Variants in UBE2J2 observed in about 807,000 individuals in gnomAD.
The protein encoded by UBE2J2 is ubiquitin conjugating enzyme E2 J2.
A neutral mutation model predicts 28.6 loss-of-function variants in UBE2J2; 5 were observed. The observed-to-expected ratio is 0.17, with a 90% CI of 0.09 to 0.37. The LOEUF (loss-of-function observed/expected upper bound fraction) is 0.37, where lower values mean the gene tolerates loss of function less well. Among genes scored for constraint, UBE2J2 ranks in the 10% least tolerant of loss-of-function variants. The pLI, the probability that UBE2J2 is intolerant of heterozygous loss-of-function variation, is 1.00. For synonymous variants in UBE2J2, 138 were observed against 139.7 expected (o/e 0.99, Z 0.09); for missense variants, 226 against 338.9 (o/e 0.67, Z 2.62).
rs376707325 is a variant in UBE2J2, at chr1:1,267,986, T to A, written c.7A>T (p.Ser3Cys). MSSTSSKRAPTTA... is the reference protein window; with the variant it reads MSCTSSKRAPTTA... ...GTCGGAGCCCTCTTACTGCTGGTGCTGCTCATCTGTTAAAAGCAACGTCTA... is the reference window on the plus strand; with the variant it reads ...GTCGGAGCCCTCTTACTGCTGGTGCAGCTCATCTGTTAAAAGCAACGTCTA... The change falls in exon 2 of 7, where the codon AGC becomes TGC. Residue 3 changes from serine to cysteine, a missense_variant. Physicochemically the swap from Ser to Cys is moderately radical, Grantham distance 112. Coordinates refer to ENST00000349431, the MANE Select transcript of UBE2J2 (RefSeq NM_058167.3). 6.2e-7 allele frequency: 1 copy of A among 1,613,934 alleles called. No individual in the cohort carries two copies. The highest frequency in any genetic ancestry group is 1.1e-5 in the South Asian group (1 of 91,082).
intron 2 of UBE2J2, chr1:1,266,112 C>CT (rs1557563263): frequency 1.5e-6 from 2 of 1,304,190 alleles, no homozygotes. Flanking sequence ...CAGCGATGTC[C>CT]TGGGGCCACA....
chr1:1,255,800 C>T (rs755077138), intron 6 of UBE2J2, among the ~76,000 whole-genome samples: 1 of 152,202 alleles, frequency 6.6e-6, no homozygotes, highest in Admixed American at 6.5e-5. Context: ...CAGCTGGCTG[C>T]TCAGAACCAC....
chr1:1,262,307 T>C (rs1639611759), intron 3 of UBE2J2: 1 of 455,830 alleles, frequency 2.2e-6, no homozygotes, highest in Admixed American at 2.4e-5. Context: ...TCATGGGCAA[T>C]GACACGATGA....
chr1:1,263,392 G>A lies in UBE2J2; in HGVS notation c.132-6C>T, dbSNP rs1163212866. 3 of 1,612,434 alleles carry A rather than the reference G, an allele frequency of 1.9e-6. No individual in the cohort carries two copies. The highest frequency in any genetic ancestry group is 1.1e-5 in the South Asian group (1 of 91,046). ...GGCCTCGGACGACATAGTGCCTAAGGGAGAGAAGAAAATTACTTGGGATTT... is the reference window on the plus strand; with the variant it reads ...GGCCTCGGACGACATAGTGCCTAAGAGAGAGAAGAAAATTACTTGGGATTT... On this transcript the variant is annotated splice_region_variant and splice_polypyrimidine_tract_variant and intron_variant, in intron 2 of 6. Transcript: ENST00000349431.
intron 1 of UBE2J2, among the ~76,000 whole-genome samples, chr1:1,270,937 C>T (rs898905071): frequency 2.6e-5 from 4 of 151,770 alleles, no homozygotes; most frequent in African/African-American, 9.7e-5. Context: ...CGACACACTC[C>T]TTCTCACAGC....
intron 2 of UBE2J2, among the ~76,000 whole-genome samples, chr1:1,265,650 G>GT (rs1570569106): frequency 8.4e-5 from 6 of 71,822 alleles, no homozygotes; most frequent in Middle Eastern, 7.2e-3. Flanking sequence ...TGTGTGTGTG[G>GT]TGGAGTCTCA....
Position 1,258,767 on chromosome 1 carries a change from A to G in UBE2J2, c.173-1457T>C, listed in dbSNP as rs536187447. Among the ~76,000 whole-genome samples, 7 of 152,348 alleles carry G rather than the reference A, an allele frequency of 4.6e-5. No individual in the cohort carries two copies. The East Asian group carries it at 1.3e-3, about 29-fold the overall frequency. ...AGCAAATCCTGTTGGCCCCACCTTC[A>G]AATCAATCTAGAGCCGCACACCCTG... is the stretch of plus-strand genomic sequence containing the variant. On this transcript the variant is annotated intron_variant, in intron 3 of 6. Transcript: ENST00000349431.
rs11260571 is a variant in UBE2J2, at chr1:1,268,213, C to T, written c.1-221G>A. Among the ~76,000 whole-genome samples, 9 of 152,104 alleles carry T rather than the reference C, an allele frequency of 5.9e-5. No homozygotes were observed. The highest frequency in any genetic ancestry group is 1.0e-4 in the Non-Finnish European group (7 of 68,014). On this transcript the variant is annotated intron_variant, in intron 1 of 6. Coordinates refer to ENST00000349431, the MANE Select transcript of UBE2J2 (RefSeq NM_058167.3). The surrounding 1 kb of genome is among the most constrained non-coding windows in gnomAD (Gnocchi z 4.7). Reference sequence around the variant, plus strand: ...TGTCCCGCCACCACCTTCATTGACACGACGTACAGCTCAGGTACAAAGACG... The same window carrying T: ...TGTCCCGCCACCACCTTCATTGACATGACGTACAGCTCAGGTACAAAGACG...
chr1:1,257,158 C>T, intron 4 of UBE2J2, 28 bp from the exon 5 acceptor site: 1 of 1,604,816 alleles, frequency 6.2e-7, no homozygotes, highest in Non-Finnish European at 8.5e-7. Context: ...CGTCAGTGCA[C>T]ACTCCCCACC....
rs565813180 is a variant in UBE2J2 at position 1,272,162 on chromosome 1, T to C, written c.-1+1504A>G. Among the ~76,000 whole-genome samples, 3 of 151,302 alleles carry C rather than the reference T, an allele frequency of 2.0e-5. No individual in the cohort carries two copies. In the South Asian group the frequency reaches 6.3e-4, roughly 32 times the overall value. ...GAGACCCTGTATCAAAAAAAAAAAA[T>C]TCCACAAAGGAAGCAAACTGTGAGA... On this transcript the variant is annotated intron_variant, in intron 1 of 6. Transcript: ENST00000349431.
chr1:1,256,010 C>G (rs1458031840), intron 6 of UBE2J2, 35 bp downstream of exon 6: 2 of 1,434,204 alleles, frequency 1.4e-6, no homozygotes, highest in Non-Finnish European at 2.0e-6. Flanking sequence ...TGTTTTAACG[C>G]AGGGGAAGGC....
intron 1 of UBE2J2, among the ~76,000 whole-genome samples, chr1:1,270,434 C>T (rs1412089552): frequency 6.6e-6 from 1 of 152,170 alleles, no homozygotes; most frequent in Non-Finnish European, 1.5e-5. Flanking sequence ...CACCCAGGGC[C>T]TGGAGTGCAG....
intron 2 of UBE2J2, chr1:1,266,280 A>G (rs1002270307): frequency 2.3e-6 from 2 of 867,818 alleles, no homozygotes; most frequent in Non-Finnish European, 3.1e-6. Flanking sequence ...ACTCACTGAA[A>G]TATCTTTTCT....
chr1:1,255,999 G>A (rs780570939), intron 6 of UBE2J2, 46 bp downstream of exon 6: 1 of 1,309,542 alleles, frequency 7.6e-7, no homozygotes, highest in East Asian at 2.3e-5. Context: ...TGAAACTCAA[G>A]TGTTTTAACG....
intron 3 of UBE2J2, among the ~76,000 whole-genome samples, chr1:1,259,165 A>T (rs77131666): frequency 0.17 from 22,182 of 134,134 alleles, 3,199 homozygotes; most frequent in East Asian, 0.55. Context: ...TGCGTGTCTG[A>T]GTGTGTGCAT....
intron 2 of UBE2J2, among the ~76,000 whole-genome samples, chr1:1,267,331 G>A (rs1385588399): frequency 6.6e-6 from 1 of 152,298 alleles, no homozygotes; most frequent in East Asian, 1.9e-4. Context: ...AGGTCCTCTC[G>A]TTGTCAGCCT....
At position 1,263,398 on chromosome 1, in the gene UBE2J2, A is replaced by G. The variant is rs1639673550; in HGVS notation, c.132-12T>C. ...GGACGACATAGTGCCTAAGGGAGAG[A>G]AGAAAATTACTTGGGATTTGAGGAC... On this transcript the variant is annotated splice_polypyrimidine_tract_variant and intron_variant, in intron 2 of 6. Transcript: ENST00000349431. The G allele has an allele frequency of 1.2e-6, 2 of 1,611,966 alleles. No homozygotes were observed. The highest frequency in any genetic ancestry group is 2.7e-5 in the African/African-American group (2 of 74,892).
In UBE2J2 at chr1:1,255,071, C is replaced by T. The variant is rs1389579473; in HGVS notation, c.*132G>A. ...TCACACATTTTGGTTTTTGCTTCCCCTTTCAGGTTTTTAAAAGCTAAACCT... is the reference window on the plus strand; with the variant it reads ...TCACACATTTTGGTTTTTGCTTCCCTTTTCAGGTTTTTAAAAGCTAAACCT... On this transcript the variant is annotated 3_prime_UTR_variant, in exon 7 of 7. Transcript: ENST00000349431. 9.1e-7 allele frequency: 1 copy of T among 1,101,442 alleles called. No individual in the cohort carries two copies. The highest frequency in any genetic ancestry group is 1.3e-6 in the Non-Finnish European group (1 of 792,368). The allele number at this position is 1,101,442 out of a possible 1,614,324, so 68.2% of individuals were successfully genotyped here.
rs776076721 is a variant in UBE2J2 at position 1,257,067 on chromosome 1, G to T, written c.339C>A (p.Thr113=). The T allele has an allele frequency of 7.4e-6, 12 of 1,613,308 alleles. No individual in the cohort carries two copies. Among genetic ancestry groups the T allele is most frequent in the Non-Finnish European group, 8.5e-6 (10 of 1,179,784 alleles). The change falls in exon 5 of 7, where the codon ACC becomes ACA. Residue 113 remains threonine (T), a synonymous_variant. Coordinates refer to ENST00000349431, the MANE Select transcript of UBE2J2 (RefSeq NM_058167.3). ...TGAAGCTCAGGAGCCCAGTCAGGAT[G>T]GTGGAGACAGACCAGGCCGGGTTCC... The part of the protein sequence containing the change: ...DTWNPAWSVS[T]ILTGLLSFMV...
Sources: allele counts gnomAD v4.1 joint callset (sites outside exome capture counted in the v4.1 genomes callset), GRCh38; gene constraint gnomAD v4.1.1; non-coding constraint Gnocchi (gnomAD v3.1); transcripts MANE v1.5; gene names NCBI Gene and HGNC (gene_info 2026-07-23, HGNC 2026-07-21).